The following AP3D1 variants were observed in gnomAD, a reference collection of about 807,000 sequenced individuals.
The protein encoded by AP3D1 is AP-3 complex subunit delta-1.
A neutral mutation model predicts 147.6 loss-of-function variants in AP3D1; 51 were observed. The ratio of observed to expected loss-of-function variants is 0.35; its 90% CI spans 0.28 to 0.44. The LOEUF is 0.44. Ranked by LOEUF, AP3D1 falls within the 20% of genes least tolerant of loss-of-function variation. AP3D1 has a pLI of 1.00. For missense variants in AP3D1, 1,421 were observed against 1,624.2 expected, an observed-to-expected ratio of 0.87 and a Z score of 2.15; for synonymous variants, 760 against 663.0, an observed-to-expected ratio of 1.15 and a Z score of -2.25.
At chr19:2,137,619 G>C in intron 3 of AP3D1, 108 bp downstream of exon 3, 1 of 987,070 alleles carries the variant, frequency 1.0e-6, no homozygotes, top group Non-Finnish European at 1.6e-6. Flanking sequence ...TTGGGTAACA[G>C]AGCTAGACTC....
intron 6 of AP3D1, among the ~76,000 whole-genome samples, chr19:2,129,956 C>A (rs188305274): frequency 2.6e-5 from 4 of 152,320 alleles, no homozygotes; most frequent in African/African-American, 4.8e-5. Context: ...GCCTGCCACA[C>A]GCCAGAGGCT....
intron 11 of AP3D1, among the ~76,000 whole-genome samples, chr19:2,123,023 A>G (rs2018653791): frequency 6.6e-6 from 1 of 152,226 alleles, no homozygotes; most frequent in Admixed American, 6.5e-5. Context: ...CAGAGGCTGA[A>G]ATATCCAGAA....
At chr19:2,156,891 GCCACCCACCCAT>G (rs1050059090) in intron 1 of AP3D1, among the ~76,000 whole-genome samples, 9 of 138,588 alleles carry the variant, frequency 6.5e-5, no homozygotes, top group Non-Finnish European at 1.4e-4. Flanking sequence ...AAAACAAACA[GCCACCCACCCAT>G]CCACCCACCC....
chr19:2,141,437 T>A (rs1163678180), intron 1 of AP3D1, among the ~76,000 whole-genome samples: 1 of 133,642 alleles, frequency 7.5e-6, no homozygotes, highest in Admixed American at 7.5e-5. Context: ...CCTGGGGTAC[T>A]TTTTTTTTTT....
At chr19:2,116,995 G>C in intron 16 of AP3D1, 1 of 791,044 alleles carries the variant, frequency 1.3e-6, no homozygotes, top group Non-Finnish European at 1.9e-6. Flanking sequence ...TTTATGGCAA[G>C]GGTGGGAGCA....
Position 2,115,213 on chromosome 19 carries a change from G to C in AP3D1, c.2349+6C>G. ...TCCTAGGACCGGGACCTCCAGCGAG[G>C]CTGACCTCAGGCATCTCCTCTGTGA... On this transcript the variant is annotated splice_donor_region_variant and intron_variant, in intron 20 of 31. Transcript: ENST00000643116. The C allele has an allele frequency of 6.2e-7, 1 of 1,611,174 alleles. No homozygotes were observed. The highest frequency in any genetic ancestry group is 1.1e-5 in the South Asian group (1 of 90,994).
chr19:2,122,930 C>T (rs767953522), intron 11 of AP3D1, among the ~76,000 whole-genome samples: 1 of 152,266 alleles, frequency 6.6e-6, no homozygotes, highest in Non-Finnish European at 1.5e-5. Context: ...GGGGCACCCA[C>T]ATGCAGGCAG....
At chr19:2,123,681 G>T in intron 10 of AP3D1, 149 bp downstream of exon 10, 1 of 951,924 alleles carries the variant, frequency 1.1e-6, no homozygotes, top group Non-Finnish European at 1.6e-6. Context: ...GGTAGGTAGT[G>T]CACACAGGAC....
chr19:2,140,536 T>C (rs953984974), intron 1 of AP3D1, among the ~76,000 whole-genome samples: 3 of 150,264 alleles, frequency 2.0e-5, no homozygotes, highest in Non-Finnish European at 3.0e-5. Flanking sequence ...AGTGCAGTGG[T>C]GAGATCACTG....
At chr19:2,109,030 C>G (rs1037312797) in intron 30 of AP3D1, 56 bp downstream of exon 30, 194 of 1,596,902 alleles carry the variant, frequency 1.2e-4, no homozygotes, top group Non-Finnish European at 1.6e-4. Context: ...TAGGAAGGGA[C>G]AGCTGCCGCG....
At chr19:2,149,374 G>C (rs1022927213) in intron 1 of AP3D1, among the ~76,000 whole-genome samples, 1 of 152,022 alleles carries the variant, frequency 6.6e-6, no homozygotes, top group Non-Finnish European at 1.5e-5. Context: ...GTGAAACCCT[G>C]TCTCTACTAA....
At chr19:2,154,959 C>T (rs146224500), upstream of AP3D1, among the ~76,000 whole-genome samples, 1 of 152,072 alleles carries the variant, frequency 6.6e-6, no homozygotes, top group African/African-American at 2.4e-5. Flanking sequence ...GTGGGTGGAT[C>T]ACCTGAGGTC....
intron 1 of AP3D1, among the ~76,000 whole-genome samples, chr19:2,163,083 TA>T: frequency 6.6e-6 from 1 of 152,214 alleles, no homozygotes; most frequent in South Asian, 2.1e-4. Flanking sequence ...ATTAATTAAT[TA>T]TTTTTTTGAG....
At position 2,110,726 on chromosome 19, in the gene AP3D1, C is replaced by A; in HGVS notation, c.3156G>T (p.Val1052=). 6.2e-7 allele frequency: 1 copy of A among 1,604,186 alleles called. No individual in the cohort carries two copies. Among genetic ancestry groups the A allele is most frequent in the East Asian group, 2.2e-5 (1 of 44,460 alleles). Residue 1052 remains valine (V), a synonymous_variant, in exon 27 of 32, where the codon GTG becomes GTT. Coordinates refer to ENST00000643116, the MANE Select transcript of AP3D1 (RefSeq NM_001261826.3). ...QGSSVHDGVP[V]PFQLPPGVSN... ...GCTCACCTGGGGGCAGCTGGAAAGG[C>A]ACGGGGACGCCATCGTGGACGGAGG... is the stretch of plus-strand genomic sequence containing the variant.
At chr19:2,152,343 A>G (rs7255019), upstream of AP3D1, among the ~76,000 whole-genome samples, 42,532 of 150,656 alleles carry the variant, frequency 0.28, 7,362 homozygotes, top group Non-Finnish European at 0.4. Flanking sequence ...AGGAGTTCGA[A>G]ACCAGCCAGG....
intron 8 of AP3D1, among the ~76,000 whole-genome samples, chr19:2,127,951 G>A (rs1227286317): frequency 1.3e-5 from 2 of 152,254 alleles, no homozygotes; most frequent in African/African-American, 2.4e-5. Context: ...CCATAGCCTA[G>A]GAGTGTGGCG....
At chr19:2,163,783 T>A (rs1439018849) in intron 1 of AP3D1, among the ~76,000 whole-genome samples, 4 of 150,510 alleles carry the variant, frequency 2.7e-5, no homozygotes, top group Non-Finnish European at 1.5e-5. Flanking sequence ...CGTGCGTGCG[T>A]GGATTCGGGC....
At chr19:2,120,549 C>T (rs1181239601) in intron 14 of AP3D1, among the ~76,000 whole-genome samples, 1 of 152,176 alleles carries the variant, frequency 6.6e-6, no homozygotes, top group Non-Finnish European at 1.5e-5. Context: ...CCAGGGCCAG[C>T]CCCCCGTCTG....
chr19:2,157,911 G>T (rs941240119), intron 1 of AP3D1, among the ~76,000 whole-genome samples: 5 of 152,236 alleles, frequency 3.3e-5, no homozygotes, highest in Non-Finnish European at 5.9e-5. Flanking sequence ...GAGGAGACTG[G>T]CAAGGATAGT....
Sources: gnomAD v4.1 joint callset for allele counts (sites outside exome capture counted in the v4.1 genomes callset) on GRCh38, gnomAD v4.1.1 for gene constraint, MANE v1.5 for transcripts, NCBI Gene and HGNC (gene_info 2026-07-23, HGNC 2026-07-21) for gene names.